Variants in PRKG1 observed in about 807,000 individuals in gnomAD.
PRKG1 encodes the protein cGMP-dependent protein kinase 1.
A neutral mutation model predicts 88.1 loss-of-function variants in PRKG1; 35 were observed. The observed-to-expected ratio is 0.40, with a 90% confidence interval of 0.30 to 0.53. The LOEUF is 0.53. Ranked by LOEUF, PRKG1 falls within the 20% of genes least tolerant of loss-of-function variation. The pLI is 0.59. For synonymous variants in PRKG1, 303 were observed against 292.5 expected, an observed-to-expected ratio of 1.04 and a Z score of -0.37; for missense variants, 540 against 839.8, an observed-to-expected ratio of 0.64 and a Z score of 4.41.
chr10:51,165,055 A>G (rs1846496074), intron 2 of PRKG1, among the ~76,000 whole-genome samples: 1 of 152,164 alleles, frequency 6.6e-6, no homozygotes, highest in South Asian at 2.1e-4. Flanking sequence ...GAACGCCACA[A>G]AGATACTCCT....
intron 2 of PRKG1, among the ~76,000 whole-genome samples, chr10:51,157,240 T>C (rs1220791792): frequency 6.6e-6 from 1 of 151,940 alleles, no homozygotes; most frequent in Non-Finnish European, 1.5e-5. Context: ...ATGAGTTGTG[T>C]TGCTTTCAGA....
At chr10:51,834,205 G>C (rs891415277) in intron 4 of PRKG1, among the ~76,000 whole-genome samples, 2 of 152,102 alleles carry the variant, frequency 1.3e-5, no homozygotes, top group African/African-American at 4.8e-5. Flanking sequence ...TTTCCAAAGA[G>C]CTGAAACTGT....
chr10:51,815,240 G>A (rs1368586072), intron 4 of PRKG1, among the ~76,000 whole-genome samples: 1 of 152,174 alleles, frequency 6.6e-6, no homozygotes, highest in Admixed American at 6.5e-5. Context: ...CCTGTAGTAA[G>A]GCTTATTTTA....
chr10:52,017,236 G>A (rs748874664), intron 5 of PRKG1, among the ~76,000 whole-genome samples: 2 of 152,192 alleles, frequency 1.3e-5, no homozygotes, highest in Non-Finnish European at 2.9e-5. Flanking sequence ...GGGAAATGCA[G>A]TTCTCTGGTT....
intron 4 of PRKG1, among the ~76,000 whole-genome samples, chr10:51,848,493 CAT>C (rs1840460904): frequency 6.6e-6 from 1 of 152,084 alleles, no homozygotes; most frequent in Non-Finnish European, 1.5e-5. Context: ...CATATGTTGA[CAT>C]ATAGCATTTC....
At chr10:51,889,442 C>A (rs1841660912) in intron 4 of PRKG1, among the ~76,000 whole-genome samples, 1 of 152,098 alleles carries the variant, frequency 6.6e-6, no homozygotes, top group Admixed American at 6.5e-5. Flanking sequence ...GCCACATTTT[C>A]TTAATCCAGT....
At chr10:51,513,016 T>C (rs1373764946) in intron 3 of PRKG1, among the ~76,000 whole-genome samples, 2 of 150,094 alleles carry the variant, frequency 1.3e-5, no homozygotes, top group Admixed American at 1.3e-4. Context: ...TCTGTTCATG[T>C]CCTTCGCCCA....
chr10:51,347,752 C>T (rs914396245), intron 2 of PRKG1, among the ~76,000 whole-genome samples: 3 of 151,906 alleles, frequency 2.0e-5, no homozygotes, highest in African/African-American at 2.4e-5. Context: ...GATTTAGCAC[C>T]GGTTATCAGA....
At chr10:52,109,477 A>C (rs1847503953) in intron 7 of PRKG1, among the ~76,000 whole-genome samples, 1 of 152,130 alleles carries the variant, frequency 6.6e-6, no homozygotes, top group Non-Finnish European at 1.5e-5. Context: ...TTTAGATGTA[A>C]AATGTTTGGC....
intron 3 of PRKG1, among the ~76,000 whole-genome samples, chr10:51,493,083 T>G (rs1840750534): frequency 1.3e-5 from 2 of 152,126 alleles, no homozygotes; most frequent in Non-Finnish European, 2.9e-5. Context: ...CAAGGTTATA[T>G]CCTATTAACT....
At chr10:52,122,325 G>T (rs1029385224) in intron 7 of PRKG1, among the ~76,000 whole-genome samples, 1 of 152,126 alleles carries the variant, frequency 6.6e-6, no homozygotes, top group African/African-American at 2.4e-5. Flanking sequence ...ACCTCTTAAT[G>T]GTCCCTCTTC....
chr10:51,926,258 TAAC>T (rs775024650), intron 5 of PRKG1, among the ~76,000 whole-genome samples: 23 of 152,076 alleles, frequency 1.5e-4, no homozygotes, highest in Admixed American at 2.6e-4. Context: ...AGATAACCTG[TAAC>T]AAGAGAGAAC....
At chr10:51,361,696 C>G (rs1842484747) in intron 2 of PRKG1, among the ~76,000 whole-genome samples, 1 of 151,680 alleles carries the variant, frequency 6.6e-6, no homozygotes, top group Non-Finnish European at 1.5e-5. Context: ...TACCTATTAG[C>G]CACTGCTTGT....
chr10:51,463,876 A>T (rs1483175881), intron 2 of PRKG1, among the ~76,000 whole-genome samples: 1 of 152,232 alleles, frequency 6.6e-6, no homozygotes, highest in Non-Finnish European at 1.5e-5. Context: ...CCTCGTTCAC[A>T]TAACAGGTGT....
chr10:51,015,960 T>G (rs1222020251), intron 1 of PRKG1, among the ~76,000 whole-genome samples: 3 of 152,094 alleles, frequency 2.0e-5, no homozygotes, highest in African/African-American at 7.2e-5. Flanking sequence ...GCACTATGAT[T>G]GAAGCATGCT....
intron 1 of PRKG1, among the ~76,000 whole-genome samples, chr10:51,044,858 T>C (rs937303166): frequency 6.6e-6 from 1 of 152,182 alleles, no homozygotes; most frequent in Non-Finnish European, 1.5e-5. Flanking sequence ...GAAAACTGGA[T>C]TGAGTTTGAG....
chr10:51,552,581 G>A (rs1024084166), intron 3 of PRKG1, among the ~76,000 whole-genome samples: 1 of 151,482 alleles, frequency 6.6e-6, no homozygotes, highest in Non-Finnish European at 1.5e-5. Flanking sequence ...TTAAGAAAAT[G>A]TCCTGAAAAT....
intron 2 of PRKG1, among the ~76,000 whole-genome samples, chr10:51,432,688 T>C (rs924435956): frequency 6.6e-6 from 1 of 150,654 alleles, no homozygotes; most frequent in Non-Finnish European, 1.5e-5. Context: ...TGTCTGCTTA[T>C]AGTTTTACGT....
chr10:51,281,351 A>G (rs1840290038), intron 2 of PRKG1, among the ~76,000 whole-genome samples: 1 of 152,176 alleles, frequency 6.6e-6, no homozygotes, highest in Non-Finnish European at 1.5e-5. Context: ...CTCAGATATC[A>G]AACTCCATAC....
Sources: gnomAD v4.1 joint callset for allele counts (sites outside exome capture counted in the v4.1 genomes callset) on GRCh38, gnomAD v4.1.1 for gene constraint, MANE v1.5 for transcripts, NCBI Gene and HGNC (gene_info 2026-07-23, HGNC 2026-07-21) for gene names.